ADGRB3: variants seen among roughly 807,000 people sequenced by gnomAD.
ADGRB3 encodes the protein adhesion G protein-coupled receptor B3.
A neutral mutation model predicts 193.4 loss-of-function variants in ADGRB3; 37 were observed. The observed-to-expected ratio is 0.19, with a 90% CI of 0.15 to 0.25. The LOEUF is 0.25. Among genes scored for constraint, ADGRB3 ranks in the 10% least tolerant of loss-of-function variants. The pLI is 1.00. For synonymous variants in ADGRB3, 690 were observed against 644.2 expected, an observed-to-expected ratio of 1.07 and a Z score of -1.08; for missense variants, 1,637 against 1,852.9, an observed-to-expected ratio of 0.88 and a Z score of 2.14.
intron 3 of ADGRB3, among the ~76,000 whole-genome samples, chr6:68,732,263 T>C (rs1423584255): frequency 2.0e-5 from 3 of 151,794 alleles, no homozygotes. Flanking sequence ...ATTATTTCAT[T>C]GCCCAAGTAT....
intron 3 of ADGRB3, among the ~76,000 whole-genome samples, chr6:68,790,328 G>A (rs1340255400): frequency 6.6e-6 from 1 of 152,164 alleles, no homozygotes; most frequent in Non-Finnish European, 1.5e-5. Context: ...AATCAAGGAG[G>A]CCTGCCTGCC....
intron 29 of ADGRB3, among the ~76,000 whole-genome samples, chr6:69,372,191 A>C (rs1769720452): frequency 6.6e-6 from 1 of 152,080 alleles, no homozygotes. Context: ...TTTTAAAAGA[A>C]GTTCAAAGTG....
intron 17 of ADGRB3, among the ~76,000 whole-genome samples, chr6:69,159,071 A>G (rs1420218835): frequency 1.3e-5 from 2 of 152,142 alleles, no homozygotes; most frequent in South Asian, 2.1e-4. Flanking sequence ...GCTTTAGTCT[A>G]ATGTCTGAAG....
At chr6:68,953,877 T>C (rs533346077) in intron 6 of ADGRB3, among the ~76,000 whole-genome samples, 15 of 152,352 alleles carry the variant, frequency 9.8e-5, no homozygotes, top group Admixed American at 9.1e-4. Context: ...TTAGCTTATT[T>C]TGAAACTTTA....
At chr6:69,329,561 A>G (rs948267711) in intron 22 of ADGRB3, among the ~76,000 whole-genome samples, 2 of 152,222 alleles carry the variant, frequency 1.3e-5, no homozygotes, top group Non-Finnish European at 2.9e-5. Flanking sequence ...AACATAGAGC[A>G]GTTTATTGTT....
At chr6:68,887,227 C>G (rs1765935605) in intron 3 of ADGRB3, among the ~76,000 whole-genome samples, 1 of 151,732 alleles carries the variant, frequency 6.6e-6, no homozygotes, top group Admixed American at 6.6e-5. Flanking sequence ...TTTTTCTCCC[C>G]CCAACAGGAT....
At chr6:69,205,676 C>T (rs1765522428) in intron 17 of ADGRB3, among the ~76,000 whole-genome samples, 1 of 152,060 alleles carries the variant, frequency 6.6e-6, no homozygotes, top group African/African-American at 2.4e-5. Context: ...TTGGGCCAAA[C>T]ATATCTTTTT....
At chr6:69,139,969 G>A (rs183502820) in intron 17 of ADGRB3, among the ~76,000 whole-genome samples, 26 of 152,232 alleles carry the variant, frequency 1.7e-4, no homozygotes, top group Admixed American at 8.5e-4. Flanking sequence ...TAGTCTAATT[G>A]CTGAACAGCA....
chr6:69,034,303 T>TA (rs1770801178), intron 13 of ADGRB3, among the ~76,000 whole-genome samples: 1 of 151,784 alleles, frequency 6.6e-6, no homozygotes, highest in African/African-American at 2.4e-5. Context: ...TCCAAATACT[T>TA]ACCTTATTGC....
At chr6:69,330,940 A>C (rs993835599) in intron 23 of ADGRB3, among the ~76,000 whole-genome samples, 17 of 152,162 alleles carry the variant, frequency 1.1e-4, no homozygotes, top group Non-Finnish European at 2.1e-4. Context: ...TATGGTTATT[A>C]ATAGGGAAAT....
At chr6:69,180,385 G>A (rs368685821) in intron 17 of ADGRB3, among the ~76,000 whole-genome samples, 1 of 152,302 alleles carries the variant, frequency 6.6e-6, no homozygotes. Context: ...TTAGGCTGCT[G>A]ATGCAGGTGA....
At chr6:68,948,504 A>C (rs553376608) in intron 6 of ADGRB3, among the ~76,000 whole-genome samples, 1 of 152,220 alleles carries the variant, frequency 6.6e-6, no homozygotes, top group African/African-American at 2.4e-5. Flanking sequence ...CCCAAAATAA[A>C]ATTTATATAA....
intron 3 of ADGRB3, among the ~76,000 whole-genome samples, chr6:68,916,481 T>G (rs376685817): frequency 6.6e-6 from 1 of 152,164 alleles, no homozygotes; most frequent in Non-Finnish European, 1.5e-5. Context: ...CAGTTAATAT[T>G]CCTACTCCTG....
chr6:69,085,462 T>A (rs1257446423), intron 17 of ADGRB3, among the ~76,000 whole-genome samples: 1 of 152,088 alleles, frequency 6.6e-6, no homozygotes, highest in Non-Finnish European at 1.5e-5. Context: ...CCTCTCTTAA[T>A]TTTCTAATGT....
intron 12 of ADGRB3, among the ~76,000 whole-genome samples, chr6:69,015,759 G>T (rs1225259250): frequency 6.6e-6 from 1 of 151,682 alleles, no homozygotes; most frequent in East Asian, 1.9e-4. Context: ...AGTCATTTCA[G>T]AATTTGTTAC....
At chr6:68,889,833 C>T (rs1449882659) in intron 3 of ADGRB3, among the ~76,000 whole-genome samples, 1 of 152,032 alleles carries the variant, frequency 6.6e-6, no homozygotes, top group Admixed American at 6.6e-5. Context: ...GCAATAGTGA[C>T]CACAGAGAAT....
intron 17 of ADGRB3, among the ~76,000 whole-genome samples, chr6:69,112,084 C>A (rs1474955126): frequency 6.6e-6 from 1 of 152,204 alleles, no homozygotes; most frequent in Non-Finnish European, 1.5e-5. Context: ...ATCAAGGACA[C>A]AATCAAGGAA....
At chr6:68,668,336 G>A (rs956288453) in intron 3 of ADGRB3, among the ~76,000 whole-genome samples, 1 of 151,924 alleles carries the variant, frequency 6.6e-6, no homozygotes, top group African/African-American at 2.4e-5. Context: ...CGACAGGGAA[G>A]TCTGCAAAAT....
At chr6:68,770,476 C>A (rs1325958850) in intron 3 of ADGRB3, among the ~76,000 whole-genome samples, 1 of 152,036 alleles carries the variant, frequency 6.6e-6, no homozygotes, top group Non-Finnish European at 1.5e-5. Flanking sequence ...CTACTGACAC[C>A]ATATCCACCA....
Sources: gnomAD v4.1 joint callset for allele counts (sites outside exome capture counted in the v4.1 genomes callset) on GRCh38, gnomAD v4.1.1 for gene constraint, MANE v1.5 for transcripts, NCBI Gene and HGNC (gene_info 2026-07-23, HGNC 2026-07-21) for gene names.